The following KCTD8 variants were observed in gnomAD, a reference collection of about 807,000 sequenced individuals.
KCTD8 encodes BTB/POZ domain-containing protein KCTD8.
Under a neutral mutation model 31.5 loss-of-function variants are expected in KCTD8, and 27 were observed. The ratio of observed to expected loss-of-function variants is 0.86; its 90% CI spans 0.63 to 1.18. The LOEUF (loss-of-function observed/expected upper bound fraction) is 1.18. Among genes scored for constraint, KCTD8 ranks in the 50% most tolerant of loss-of-function variants. KCTD8 has a pLI of 0.00. For missense variants in KCTD8, 658 were observed against 647.7 expected, an observed-to-expected ratio of 1.02 and a Z score of -0.17; for synonymous variants, 290 against 280.0, an observed-to-expected ratio of 1.04 and a Z score of -0.36.
At chr4:44,241,164 G>C (rs1715448310) in intron 1 of KCTD8, among the ~76,000 whole-genome samples, 1 of 152,148 alleles carries the variant, frequency 6.6e-6, no homozygotes, top group Admixed American at 6.5e-5. Flanking sequence ...CAGTGGTTGT[G>C]AGTTTTGCAT....
chr4:44,339,513 A>G (rs2703833), intron 1 of KCTD8, among the ~76,000 whole-genome samples: 31,374 of 152,096 alleles, frequency 0.21, 3,560 homozygotes, highest in African/African-American at 0.3. Flanking sequence ...ACAATTGAAT[A>G]TATATACCTC....
intron 1 of KCTD8, among the ~76,000 whole-genome samples, chr4:44,341,348 T>G (rs1718892163): frequency 1.3e-5 from 2 of 152,316 alleles, no homozygotes; most frequent in African/African-American, 4.8e-5. Flanking sequence ...GAGCAATTTC[T>G]TCAAATACAA....
At chr4:44,430,118 G>T (rs1178862385) in intron 1 of KCTD8, among the ~76,000 whole-genome samples, 3 of 151,724 alleles carry the variant, frequency 2.0e-5, no homozygotes, top group Non-Finnish European at 4.4e-5. Context: ...AGAACTGTCA[G>T]CCAGTACTAA....
chr4:44,388,227 G>A (rs1374289680), intron 1 of KCTD8, among the ~76,000 whole-genome samples: 1 of 151,876 alleles, frequency 6.6e-6, no homozygotes, highest in East Asian at 1.9e-4. Context: ...TGAGACTGTG[G>A]AGGAAAAGGA....
At chr4:44,381,391 AT>A (rs1238571830) in intron 1 of KCTD8, among the ~76,000 whole-genome samples, 1 of 152,120 alleles carries the variant, frequency 6.6e-6, no homozygotes, top group Admixed American at 6.6e-5. Flanking sequence ...TGAGAAAACA[AT>A]TCCATTTAAA....
intron 1 of KCTD8, among the ~76,000 whole-genome samples, chr4:44,442,050 T>C (rs1721822304): frequency 6.6e-6 from 1 of 152,168 alleles, no homozygotes; most frequent in African/African-American, 2.4e-5. Context: ...ATAAACCAGC[T>C]ATATAGTATG....
At chr4:44,398,154 A>C (rs1031674934) in intron 1 of KCTD8, among the ~76,000 whole-genome samples, 1 of 152,190 alleles carries the variant, frequency 6.6e-6, no homozygotes, top group African/African-American at 2.4e-5. Flanking sequence ...AATAGCTGGA[A>C]TTTATATAGC....
At chr4:44,315,680 GA>G (rs36028498) in intron 1 of KCTD8, among the ~76,000 whole-genome samples, 32,810 of 151,840 alleles carry the variant, frequency 0.22, 3,604 homozygotes, top group East Asian at 0.29. Flanking sequence ...TTCTATGCCT[GA>G]AAAAGTGTAT....
chr4:44,295,275 G>A (rs2109388036), intron 1 of KCTD8, among the ~76,000 whole-genome samples: 1 of 152,220 alleles, frequency 6.6e-6, no homozygotes, highest in East Asian at 1.9e-4. Flanking sequence ...CAGCCCAGGT[G>A]ACAGAATGAA....
At chr4:44,196,187 T>A (rs924923447) in intron 1 of KCTD8, among the ~76,000 whole-genome samples, 3 of 152,294 alleles carry the variant, frequency 2.0e-5, no homozygotes, top group Admixed American at 2.0e-4. Flanking sequence ...TTCTTACTCA[T>A]CATTATGGTG....
intron 1 of KCTD8, among the ~76,000 whole-genome samples, chr4:44,356,790 G>C (rs1174641942): frequency 1.3e-5 from 2 of 152,094 alleles, no homozygotes; most frequent in Non-Finnish European, 2.9e-5. Flanking sequence ...AGTTTCAAAT[G>C]AAAAGAACAG....
intron 1 of KCTD8, among the ~76,000 whole-genome samples, chr4:44,278,741 C>A (rs1178873667): frequency 1.3e-5 from 2 of 151,910 alleles, no homozygotes; most frequent in African/African-American, 4.8e-5. Flanking sequence ...ACAGCCAGGC[C>A]CATACCTCAT....
At chr4:44,181,482 G>C (rs1399545906) in intron 1 of KCTD8, among the ~76,000 whole-genome samples, 1 of 152,274 alleles carries the variant, frequency 6.6e-6, no homozygotes, top group East Asian at 1.9e-4. Context: ...TCCTAACCGC[G>C]AGTGATCTGC....
chr4:44,213,252 C>A (rs1343676510), intron 1 of KCTD8, among the ~76,000 whole-genome samples: 1 of 151,886 alleles, frequency 6.6e-6, no homozygotes, highest in East Asian at 1.9e-4. Context: ...TTTTTATTGA[C>A]CAAAATTTTT....
intron 1 of KCTD8, among the ~76,000 whole-genome samples, chr4:44,267,722 A>C (rs1716432122): frequency 1.3e-5 from 2 of 152,206 alleles, no homozygotes; most frequent in Non-Finnish European, 2.9e-5. Context: ...ATCACCACTG[A>C]TCCCACAGAA....
chr4:44,316,196 G>A (rs1322735886), intron 1 of KCTD8, among the ~76,000 whole-genome samples: 1 of 151,562 alleles, frequency 6.6e-6, no homozygotes, highest in African/African-American at 2.4e-5. Context: ...AATTTGTTCT[G>A]CTATATATCT....
intron 1 of KCTD8, among the ~76,000 whole-genome samples, chr4:44,262,603 G>T (rs1163866569): frequency 6.6e-6 from 1 of 152,016 alleles, no homozygotes; most frequent in Non-Finnish European, 1.5e-5. Context: ...CCTTTAATGA[G>T]AAAACCTCTA....
intron 1 of KCTD8, among the ~76,000 whole-genome samples, chr4:44,325,371 C>A (rs1718416724): frequency 6.6e-6 from 1 of 151,906 alleles, no homozygotes; most frequent in Non-Finnish European, 1.5e-5. Flanking sequence ...TTAAACTTAG[C>A]CCTCTAGGTT....
chr4:44,387,418 T>G (rs948565018), intron 1 of KCTD8, among the ~76,000 whole-genome samples: 7 of 151,758 alleles, frequency 4.6e-5, no homozygotes, highest in African/African-American at 1.5e-4. Context: ...ACCAAGGCAA[T>G]CCTAAGCAAA....
Sources: allele counts gnomAD v4.1 joint callset (sites outside exome capture counted in the v4.1 genomes callset), GRCh38; gene constraint gnomAD v4.1.1; transcripts MANE v1.5; gene names NCBI Gene and HGNC (gene_info 2026-07-23, HGNC 2026-07-21).